The following DIAPH2 variants were observed in gnomAD, a reference collection of about 807,000 sequenced individuals.
DIAPH2 encodes the protein diaphanous related formin 2, also known as protein diaphanous homolog 2.
A neutral mutation model predicts 92.7 loss-of-function variants in DIAPH2; 35 were observed. That is an observed-to-expected ratio of 0.38 (90% CI 0.29 to 0.50). The LOEUF (loss-of-function observed/expected upper bound fraction) is 0.50, where lower values mean the gene tolerates loss of function less well. Ranked by LOEUF, DIAPH2 falls within the 20% of genes least tolerant of loss-of-function variation. DIAPH2 has a pLI of 0.94. For synonymous variants in DIAPH2, 301 were observed against 280.4 expected, an observed-to-expected ratio of 1.07 and a Z score of -0.73; for missense variants, 701 against 819.5, an observed-to-expected ratio of 0.86 and a Z score of 1.77.
rs184911636 is a variant in DIAPH2, at chrX:96,862,580, T to C, written c.448-18999T>C. On this transcript the variant is annotated intron_variant, in intron 4 of 26. Transcript: ENST00000324765. ...CCACTATGTACAGAGTTCCAGCTAGTGCTGGCGTTAATTAGGTGATCTTGA... is the reference window on the plus strand; with the variant it reads ...CCACTATGTACAGAGTTCCAGCTAGCGCTGGCGTTAATTAGGTGATCTTGA... 1.9e-4 allele frequency among the ~76,000 whole-genome samples: 21 copies of C among 112,357 alleles called. No homozygotes were observed. In the East Asian group the frequency reaches 5.9e-3, roughly 31 times the overall value.
intron 22 of DIAPH2, among the ~76,000 whole-genome samples, chrX:97,208,712 G>T (rs1326927924): frequency 2.7e-5 from 3 of 111,602 alleles, no homozygotes; most frequent in Admixed American, 1.9e-4. Context: ...AATATCTTTT[G>T]AGTAGGATGC....
intron 4 of DIAPH2, among the ~76,000 whole-genome samples, chrX:96,806,420 G>T (rs898779507): frequency 1.1e-4 from 12 of 109,523 alleles, no homozygotes; most frequent in African/African-American, 4.0e-4. Flanking sequence ...GCTGAGGTGG[G>T]CAGATAACCT....
chrX:97,051,792 A>G (rs1422561557), intron 17 of DIAPH2, among the ~76,000 whole-genome samples: 1 of 111,784 alleles, frequency 8.9e-6, no homozygotes, highest in African/African-American at 3.2e-5. Flanking sequence ...GAGATGAGAC[A>G]ACATGTGAAG....
At chrX:96,918,390 T>C (rs2065518985) in intron 8 of DIAPH2, 119 bp from the exon 9 acceptor site, 1 of 425,993 alleles carries the variant, frequency 2.3e-6, no homozygotes, top group East Asian at 4.3e-5. Flanking sequence ...TTAAAAATTC[T>C]AATGGTATAT....
chrX:97,485,913 C>T (rs940221752), intron 26 of DIAPH2, among the ~76,000 whole-genome samples: 1 of 109,955 alleles, frequency 9.1e-6, no homozygotes, highest in Non-Finnish European at 1.9e-5. Flanking sequence ...ATTGCACCTG[C>T]CATGAGGTAA....
At chrX:96,846,390 G>A (rs775595453) in intron 4 of DIAPH2, among the ~76,000 whole-genome samples, 6 of 111,558 alleles carry the variant, frequency 5.4e-5, no homozygotes, top group Non-Finnish European at 9.4e-5. Flanking sequence ...CAGGTGATCC[G>A]CCCCCACTTG....
intron 24 of DIAPH2, among the ~76,000 whole-genome samples, chrX:97,376,540 T>C (rs776152901): frequency 8.0e-5 from 9 of 112,455 alleles, no homozygotes; most frequent in African/African-American, 2.9e-4. Flanking sequence ...CTGAAATGCA[T>C]GGGACCTTTG....
At chrX:97,481,663 C>T (rs924237486) in intron 26 of DIAPH2, among the ~76,000 whole-genome samples, 2 of 111,588 alleles carry the variant, frequency 1.8e-5, no homozygotes, top group African/African-American at 6.5e-5. Flanking sequence ...TCATTATCTC[C>T]TCAATGAGAT....
chrX:96,882,041 C>T (rs1283142836), intron 5 of DIAPH2, among the ~76,000 whole-genome samples: 1 of 87,794 alleles, frequency 1.1e-5, no homozygotes, highest in Non-Finnish European at 2.4e-5. Flanking sequence ...TATATTTGCT[C>T]CATGATTTTA....
At chrX:96,824,978 C>T (rs1395888775) in intron 4 of DIAPH2, among the ~76,000 whole-genome samples, 2 of 105,775 alleles carry the variant, frequency 1.9e-5, no homozygotes, top group Non-Finnish European at 3.9e-5. Context: ...CAGAGTCTCA[C>T]TCTGTCCCTG....
chrX:97,564,255 A>G (rs1333719866), intron 26 of DIAPH2: 5 of 112,574 alleles, frequency 4.4e-5, no homozygotes, highest in Admixed American at 9.4e-5. Flanking sequence ...TCAAGAAATC[A>G]TAAACATTTG....
At chrX:96,694,594 G>C (rs753435708) in intron 1 of DIAPH2, among the ~76,000 whole-genome samples, 12 of 111,770 alleles carry the variant, frequency 1.1e-4, no homozygotes, top group African/African-American at 3.9e-4. Flanking sequence ...GCCCTCCTGG[G>C]CCTCCCAAAG....
intron 23 of DIAPH2, among the ~76,000 whole-genome samples, chrX:97,274,956 G>C (rs929067196): frequency 1.8e-4 from 20 of 111,455 alleles, no homozygotes; most frequent in African/African-American, 6.5e-4. Context: ...CACCGGGTTG[G>C]GGGTAAGGTC....
chrX:97,125,794 T>C (rs940964310), intron 21 of DIAPH2, among the ~76,000 whole-genome samples: 3 of 112,367 alleles, frequency 2.7e-5, no homozygotes, highest in Non-Finnish European at 5.6e-5. Context: ...TTGAAGTCGT[T>C]GTGACTAAAC....
At chrX:97,087,328 T>G (rs1159481388) in intron 19 of DIAPH2, among the ~76,000 whole-genome samples, 1 of 112,077 alleles carries the variant, frequency 8.9e-6, no homozygotes, top group Non-Finnish European at 1.9e-5. Context: ...TTGGCCTTCA[T>G]TTCATAATTT....
intron 26 of DIAPH2, among the ~76,000 whole-genome samples, chrX:97,589,022 T>TAG (rs1430863813): frequency 1.2e-5 from 1 of 83,180 alleles, no homozygotes; most frequent in Non-Finnish European, 2.4e-5. Flanking sequence ...TATATATATA[T>TAG]ATATAAAAGA....
At chrX:96,888,571 A>ATATATATC (rs1556283019) in intron 5 of DIAPH2, among the ~76,000 whole-genome samples, 2 of 90,968 alleles carry the variant, frequency 2.2e-5, no homozygotes, top group East Asian at 6.7e-4. Flanking sequence ...ATATACACAG[A>ATATATATC]TATATATATC....
At chrX:97,077,027 T>G (rs1437256473) in intron 19 of DIAPH2, among the ~76,000 whole-genome samples, 1 of 111,726 alleles carries the variant, frequency 9.0e-6, no homozygotes, top group African/African-American at 3.3e-5. Flanking sequence ...GTTTTGCTTG[T>G]GGGAAGAAAA....
chrX:96,707,260 C>T (rs1274214578), intron 1 of DIAPH2, among the ~76,000 whole-genome samples: 2 of 109,058 alleles, frequency 1.8e-5, no homozygotes, highest in Non-Finnish European at 3.8e-5. Context: ...CCTCTGCCTC[C>T]GGGGCTCAAG....
Sources: allele counts gnomAD v4.1 joint callset (sites outside exome capture counted in the v4.1 genomes callset), GRCh38; gene constraint gnomAD v4.1.1; transcripts MANE v1.5; gene names NCBI Gene and HGNC (gene_info 2026-07-23, HGNC 2026-07-21).